The following CNBD1 variants were observed in gnomAD, a reference collection of about 807,000 sequenced individuals.
The protein encoded by CNBD1 is cyclic nucleotide-binding domain-containing protein 1.
A neutral mutation model predicts 54.4 loss-of-function variants in CNBD1; 71 were observed. The ratio of observed to expected loss-of-function variants is 1.30; its 90% CI spans 1.08 to 1.59. The LOEUF is 1.59. Among genes scored for constraint, CNBD1 ranks in the 40% most tolerant of loss-of-function variants. The pLI is 0.00. For synonymous variants in CNBD1, 182 were observed against 170.7 expected (o/e 1.07, Z -0.51); for missense variants, 659 against 518.0 (o/e 1.27, Z -2.64).
At chr8:87,118,041 C>T (rs1586268548) in intron 4 of CNBD1, among the ~76,000 whole-genome samples, 2 of 152,046 alleles carry the variant, frequency 1.3e-5, no homozygotes, top group South Asian at 2.1e-4. Context: ...TATGGCTGGG[C>T]ACGGTGCCTC....
intron 10 of CNBD1, among the ~76,000 whole-genome samples, chr8:87,367,417 G>A (rs1174874768): frequency 6.6e-6 from 1 of 152,024 alleles, no homozygotes; most frequent in Admixed American, 6.6e-5. Context: ...TCCCCTTGCA[G>A]ATGGTGAAGC....
chr8:87,388,135 C>A (rs993822834), intron 2 of CNBD1, among the ~76,000 whole-genome samples: 6 of 151,986 alleles, frequency 3.9e-5, no homozygotes, highest in Admixed American at 2.6e-4. Flanking sequence ...GCACTAAATG[C>A]CCACAAGAGA....
intron 4 of CNBD1, among the ~76,000 whole-genome samples, chr8:87,009,394 G>T (rs1014711678): frequency 1.3e-5 from 2 of 151,958 alleles, no homozygotes; most frequent in African/African-American, 4.8e-5. Flanking sequence ...TCTGCCTTCT[G>T]GGTTCAAGGG....
intron 4 of CNBD1, among the ~76,000 whole-genome samples, chr8:87,099,034 C>CAAAAA (rs11402011): frequency 2.2e-4 from 5 of 23,054 alleles, no homozygotes; most frequent in East Asian, 1.8e-3. Flanking sequence ...GACTGTGTCT[C>CAAAAA]AAAAAAAAAA....
intron 2 of CNBD1, among the ~76,000 whole-genome samples, chr8:87,425,125 C>T (rs1388371838): frequency 3.3e-5 from 5 of 152,264 alleles, no homozygotes; most frequent in African/African-American, 4.8e-5. Flanking sequence ...GCTCCTGAGG[C>T]TTCTGCATTC....
chr8:87,409,678 G>A (rs924226190), intron 2 of CNBD1, among the ~76,000 whole-genome samples: 1 of 152,116 alleles, frequency 6.6e-6, no homozygotes, highest in African/African-American at 2.4e-5. Context: ...TCAAGTTGAA[G>A]CTAATCCTCA....
chr8:86,926,224 A>G (rs914230543), intron 3 of CNBD1, among the ~76,000 whole-genome samples: 7 of 151,940 alleles, frequency 4.6e-5, no homozygotes, highest in African/African-American at 1.7e-4. Flanking sequence ...TCCCCTCTCA[A>G]CTGCTGTTGA....
rs567412380 is a variant in CNBD1, at chr8:87,260,571, C to T, written c.771+23459C>T. On this transcript the variant is annotated intron_variant, in intron 6 of 10. Coordinates refer to ENST00000518476, the MANE Select transcript of CNBD1 (RefSeq NM_173538.3). The stretch of plus-strand genomic sequence containing the variant: ...AAAGTGATTTTTACCATTCATTCCA[C>T]TGTTTTTGCACAGGGAGAGAAAAGC... 6.6e-5 allele frequency among the ~76,000 whole-genome samples: 10 copies of T among 152,224 alleles called. No homozygotes were observed. The South Asian group carries it at 8.3e-4, about 13-fold the overall frequency.
At chr8:87,347,954 C>A (rs915735613) in intron 8 of CNBD1, among the ~76,000 whole-genome samples, 1 of 152,132 alleles carries the variant, frequency 6.6e-6, no homozygotes, top group Non-Finnish European at 1.5e-5. Context: ...GTCTCTGAGG[C>A]ATATTCAAAA....
Position 86,978,564 on chromosome 8 carries a change from C to T in CNBD1, c.431+38810C>T, listed in dbSNP as rs530432854. ...TTTTTTTTTTTTTTTTTTTTTGAGG[C>T]GAAGTTTCGCTCTTGTTGCCCAGGC... On this transcript the variant is annotated intron_variant, in intron 4 of 10. Transcript: ENST00000518476. Among the ~76,000 whole-genome samples, 23 of 89,192 alleles carry T rather than the reference C, an allele frequency of 2.6e-4. No homozygotes were observed. In the East Asian group the frequency reaches 3.7e-3, roughly 14 times the overall value. The allele number at this position is 89,192 out of a possible 152,430, so 58.5% of individuals were successfully genotyped here.
chr8:86,912,087 A>C (rs1809108752), intron 3 of CNBD1, among the ~76,000 whole-genome samples: 1 of 152,186 alleles, frequency 6.6e-6, no homozygotes. Context: ...GTATTTACAA[A>C]GAAGGCTGCT....
intron 3 of CNBD1, among the ~76,000 whole-genome samples, chr8:86,916,442 A>G (rs1256853520): frequency 6.6e-6 from 1 of 152,054 alleles, no homozygotes; most frequent in East Asian, 1.9e-4. Context: ...GCCTGCTAGC[A>G]CTTGGGAGGT....
intron 2 of CNBD1, among the ~76,000 whole-genome samples, chr8:87,407,133 G>C (rs1216228231): frequency 3.3e-5 from 5 of 151,938 alleles, no homozygotes; most frequent in Non-Finnish European, 4.4e-5. Flanking sequence ...TAACACCCTA[G>C]AAGCCTTTCC....
At chr8:87,423,982 ACTT>A (rs1423172831) in intron 2 of CNBD1, among the ~76,000 whole-genome samples, 10 of 152,250 alleles carry the variant, frequency 6.6e-5, no homozygotes, top group African/African-American at 2.4e-4. Context: ...CAGAGATTGA[ACTT>A]CTTCCTGGTT....
chr8:87,110,936 G>A (rs1340720355), intron 4 of CNBD1, among the ~76,000 whole-genome samples: 1 of 152,154 alleles, frequency 6.6e-6, no homozygotes, highest in Non-Finnish European at 1.5e-5. Flanking sequence ...TACCACATCT[G>A]GTATGTCATC....
chr8:87,148,342 A>G (rs1035525491), intron 4 of CNBD1, among the ~76,000 whole-genome samples: 23 of 152,174 alleles, frequency 1.5e-4, no homozygotes, highest in Non-Finnish European at 2.6e-4. Context: ...AATTGGAACT[A>G]CTATATGTTG....
chr8:86,989,743 G>A (rs1188336058), intron 4 of CNBD1, among the ~76,000 whole-genome samples: 2 of 152,132 alleles, frequency 1.3e-5, no homozygotes, highest in Non-Finnish European at 2.9e-5. Context: ...GAGCCACCAT[G>A]CCTGGCTAGT....
intron 4 of CNBD1, among the ~76,000 whole-genome samples, chr8:87,044,861 C>T (rs932072962): frequency 6.6e-6 from 1 of 152,158 alleles, no homozygotes; most frequent in Admixed American, 6.5e-5. Context: ...GCCTGGCCTA[C>T]TTATCTGTAC....
chr8:87,171,725 A>T (rs940370058), intron 4 of CNBD1, among the ~76,000 whole-genome samples: 1 of 151,038 alleles, frequency 6.6e-6, no homozygotes, highest in African/African-American at 2.4e-5. Flanking sequence ...TGAAACCTTC[A>T]TCTCCTGGGT....
Sources: allele counts gnomAD v4.1 joint callset (sites outside exome capture counted in the v4.1 genomes callset), GRCh38; gene constraint gnomAD v4.1.1; transcripts MANE v1.5; gene names NCBI Gene and HGNC (gene_info 2026-07-23, HGNC 2026-07-21).